Variants in RGR observed in about 807,000 individuals in gnomAD.
RGR encodes the protein RPE-retinal G protein-coupled receptor.
Under a neutral mutation model 28.6 loss-of-function variants are expected in RGR, and 30 were observed. That is an observed-to-expected ratio of 1.05 (90% CI 0.78 to 1.42). The LOEUF (loss-of-function observed/expected upper bound fraction) is 1.42, where lower values mean the gene tolerates loss of function less well. Ranked by LOEUF, RGR falls within the 40% of genes most tolerant of loss-of-function variation. The probability of loss-of-function intolerance (pLI) is 0.00; values close to 1 mark genes in which losing one functional copy is unlikely to be tolerated. For missense variants in RGR, 404 were observed against 375.6 expected (o/e 1.08, Z -0.62); for synonymous variants, 180 against 156.4 (o/e 1.15, Z -1.13).
rs1842908384 is a variant in RGR at position 84,257,955 on chromosome 10, T to G, written c.693T>G (p.Tyr231Ter). 1 of 1,614,188 alleles carries G rather than the reference T, an allele frequency of 6.2e-7. No individual in the cohort carries two copies. The highest frequency in any genetic ancestry group is 8.5e-7 in the Non-Finnish European group (1 of 1,180,032). ...GCTGGGGCCCCTATGCCATCCTGTA[T>G]CTATACGCAGTCATCGCAGACGTGA... is the stretch of plus-strand genomic sequence containing the variant. ...LLGWGPYAIL[Y>*]LYAVIADVTS... The change falls in exon 6 of 7, where the codon TAT becomes TAG. Residue 231 changes from tyrosine (Y) to a stop codon, truncating the protein, a stop_gained. Transcript: ENST00000652092. LOFTEE classifies it high-confidence loss of function.
chr10:84,253,514 T>C (rs1255224657), intron 4 of RGR, among the ~76,000 whole-genome samples: 2 of 152,158 alleles, frequency 1.3e-5, no homozygotes, highest in African/African-American at 4.8e-5. Flanking sequence ...ATGGGGCTCG[T>C]GTTCTGGTAC....
At chr10:84,254,825 T>C (rs1274233668) in intron 5 of RGR, among the ~76,000 whole-genome samples, 1 of 152,184 alleles carries the variant, frequency 6.6e-6, no homozygotes, top group East Asian at 1.9e-4. Context: ...ATGCAGTCCA[T>C]ATGCATCAGC....
At chr10:84,256,929 C>T (rs1330270116) in intron 5 of RGR, among the ~76,000 whole-genome samples, 3 of 152,058 alleles carry the variant, frequency 2.0e-5, no homozygotes, top group African/African-American at 7.2e-5. Context: ...GATTCCACGT[C>T]TTAGGGCCTC....
chr10:84,248,206 C>T (rs922947828), intron 2 of RGR: 12 of 1,235,328 alleles, frequency 9.7e-6, no homozygotes, highest in Non-Finnish European at 1.3e-5. Flanking sequence ...CTACTGCACC[C>T]GTATGTATCT....
At chr10:84,250,260 C>A in intron 3 of RGR, 1 of 693,366 alleles carries the variant, frequency 1.4e-6, no homozygotes, top group Non-Finnish European at 2.7e-6. Context: ...CCAGCACAGC[C>A]TCAAACCATG....
rs1164959560 is a variant in RGR, at chr10:84,258,869, G to C, written c.*230G>C. The C allele has an allele frequency of 1.7e-6, 1 of 574,994 alleles. No individual in the cohort carries two copies. The highest frequency in any genetic ancestry group is 3.1e-5 in the East Asian group (1 of 32,272). The allele number at this position is 574,994 out of a possible 1,614,324, so 35.6% of individuals were successfully genotyped here. ...CTCAAGGCTGAGAGGCCTCAGGAAAGTCATTCCTTTTTAAAAATAATAATA... is the reference window on the plus strand; with the variant it reads ...CTCAAGGCTGAGAGGCCTCAGGAAACTCATTCCTTTTTAAAAATAATAATA... On this transcript the variant is annotated 3_prime_UTR_variant, in exon 7 of 7. Coordinates refer to ENST00000652092, the MANE Select transcript of RGR (RefSeq NM_001012720.2).
intron 5 of RGR, among the ~76,000 whole-genome samples, chr10:84,257,187 T>G (rs1162617230): frequency 6.6e-6 from 1 of 152,220 alleles, no homozygotes; most frequent in Non-Finnish European, 1.5e-5. Flanking sequence ...GGGCTGGAAC[T>G]TGGCAGCTCC....
chr10:84,256,466 C>T (rs1481651198), intron 5 of RGR, among the ~76,000 whole-genome samples: 1 of 152,332 alleles, frequency 6.6e-6, no homozygotes, highest in East Asian at 1.9e-4. Context: ...AGGTCTGGGA[C>T]TCCACCACCC....
intron 3 of RGR, chr10:84,250,690 G>A (rs891356397): frequency 2.1e-6 from 1 of 478,432 alleles, no homozygotes; most frequent in Non-Finnish European, 3.8e-6. Flanking sequence ...AGGGGAATGA[G>A]GAGGTCTGAA....
At chr10:84,247,130 T>C (rs1327684892) in intron 1 of RGR, among the ~76,000 whole-genome samples, 1 of 152,172 alleles carries the variant, frequency 6.6e-6, no homozygotes, top group Non-Finnish European at 1.5e-5. Flanking sequence ...CCCTTCATGT[T>C]CACTTCCATG....
chr10:84,257,784 C>G, intron 5 of RGR, 109 bp from the exon 6 acceptor site: 1 of 847,178 alleles, frequency 1.2e-6, no homozygotes, highest in Non-Finnish European at 2.0e-6. Flanking sequence ...CTCCTGAAGC[C>G]TGGTCCATGC....
chr10:84,250,532 ACACACAC>A (rs1279507177), intron 3 of RGR: 16 of 689,638 alleles, frequency 2.3e-5, no homozygotes, highest in African/African-American at 2.1e-4. Context: ...ACACACACAC[ACACACAC>A]ACACACACAC....
At chr10:84,254,147 T>C (rs1011569765) in intron 4 of RGR, among the ~76,000 whole-genome samples, 179 bp from the exon 5 acceptor site, 15 of 152,334 alleles carry the variant, frequency 9.8e-5, no homozygotes, top group African/African-American at 2.9e-4. Context: ...CTCTTCCTCC[T>C]TGTAGCTCCC....
chr10:84,247,094 G>A (rs11200940), intron 1 of RGR, among the ~76,000 whole-genome samples: 2 of 152,066 alleles, frequency 1.3e-5, no homozygotes, highest in African/African-American at 2.4e-5. Context: ...ATTCAAGGTC[G>A]GGTCTCTCTG....
At chr10:84,256,054 C>A (rs1364607011) in intron 5 of RGR, among the ~76,000 whole-genome samples, 1 of 73,740 alleles carries the variant, frequency 1.4e-5, no homozygotes, top group Non-Finnish European at 2.6e-5. Flanking sequence ...TTTTTTTTTT[C>A]CTTTCTTTTT....
At chr10:84,256,345 T>C (rs7922232) in intron 5 of RGR, among the ~76,000 whole-genome samples, 117,392 of 151,784 alleles carry the variant, frequency 0.77, 46,346 homozygotes, top group African/African-American at 0.94. Flanking sequence ...TGAGCTATCG[T>C]GCCGGCCAGA....
chr10:84,256,305 C>T (rs766943984), intron 5 of RGR, among the ~76,000 whole-genome samples: 87 of 152,114 alleles, frequency 5.7e-4, no homozygotes, highest in African/African-American at 1.6e-3. Context: ...CCACCCACTT[C>T]AGCCTCCCAA....
Position 84,258,890 on chromosome 10 carries a change from T to G in RGR, c.*251T>G, listed in dbSNP as rs1485101376. ...GAAAGTCATTCCTTTTTAAAAATAA[T>G]AATAAATGTAAGGGGGTACAGTGCA... On this transcript the variant is annotated 3_prime_UTR_variant, in exon 7 of 7. Transcript: ENST00000652092. The G allele has an allele frequency of 3.9e-6, 2 of 508,426 alleles. No individual in the cohort carries two copies. Among genetic ancestry groups the G allele is most frequent in the Non-Finnish European group, 7.1e-6 (2 of 280,738 alleles). 31.5% of individuals were successfully genotyped at this position (508,426 alleles called of 1,614,324 possible).
intron 2 of RGR, chr10:84,248,666 T>A: frequency 1.7e-6 from 1 of 591,968 alleles, no homozygotes; most frequent in Admixed American, 2.9e-5. Context: ...GACAGAGGGA[T>A]CTGATCACGC....
Sources: gnomAD v4.1 joint callset for allele counts (sites outside exome capture counted in the v4.1 genomes callset) on GRCh38, gnomAD v4.1.1 for gene constraint, MANE v1.5 for transcripts, NCBI Gene and HGNC (gene_info 2026-07-23, HGNC 2026-07-21) for gene names.